PCDH15: variants seen among roughly 807,000 people sequenced by gnomAD.
PCDH15 encodes protocadherin-15.
Under a neutral mutation model 178.5 loss-of-function variants are expected in PCDH15, and 129 were observed. The ratio of observed to expected loss-of-function variants is 0.72; its 90% CI spans 0.63 to 0.84. The LOEUF (loss-of-function observed/expected upper bound fraction) is 0.84, where lower values mean the gene tolerates loss of function less well. Among genes scored for constraint, PCDH15 ranks in the 40% least tolerant of loss-of-function variants. PCDH15 has a pLI of 0.00. For missense variants in PCDH15, 2,230 were observed against 2,099.9 expected, an observed-to-expected ratio of 1.06 and a Z score of -1.21; for synonymous variants, 800 against 732.0, an observed-to-expected ratio of 1.09 and a Z score of -1.50.
intron 5 of PCDH15, among the ~76,000 whole-genome samples, chr10:54,348,303 G>A (rs539271785): frequency 1.3e-5 from 2 of 152,268 alleles, no homozygotes; most frequent in South Asian, 2.1e-4. Flanking sequence ...GGATTTATAA[G>A]GCCCAGTTTC....
At chr10:55,612,054 C>T (rs1182297310) in intron 2 of PCDH15, among the ~76,000 whole-genome samples, 1 of 151,852 alleles carries the variant, frequency 6.6e-6, no homozygotes, top group Non-Finnish European at 1.5e-5. Flanking sequence ...ATGTATTTGT[C>T]AAATGGTACA....
At chr10:55,626,418 A>T (rs1837531405) in intron 2 of PCDH15, among the ~76,000 whole-genome samples, 1 of 152,208 alleles carries the variant, frequency 6.6e-6, no homozygotes, top group South Asian at 2.1e-4. Flanking sequence ...TGAGATCAGA[A>T]ATAAAATGTA....
intron 2 of PCDH15, among the ~76,000 whole-genome samples, chr10:55,131,824 C>A (rs372373314): frequency 6.6e-6 from 1 of 152,228 alleles, no homozygotes; most frequent in African/African-American, 2.4e-5. Context: ...CTATAGGCAG[C>A]CATGGTTGGG....
chr10:54,285,478 A>G (rs2132832620), intron 8 of PCDH15, among the ~76,000 whole-genome samples: 1 of 152,276 alleles, frequency 6.6e-6, no homozygotes, highest in Admixed American at 6.5e-5. Context: ...TGAAAAATAT[A>G]TTTAACATTA....
chr10:54,056,127 A>T (rs1194638204), intron 18 of PCDH15, among the ~76,000 whole-genome samples: 1 of 152,162 alleles, frequency 6.6e-6, no homozygotes, highest in Non-Finnish European at 1.5e-5. Flanking sequence ...ATTGATATAT[A>T]ATATATGTAC....
At chr10:53,853,618 T>C (rs965932910) in intron 28 of PCDH15, among the ~76,000 whole-genome samples, 4 of 152,028 alleles carry the variant, frequency 2.6e-5, no homozygotes, top group Admixed American at 6.6e-5. Context: ...AGGACTTGAA[T>C]AGACATGTTT....
At chr10:53,923,010 G>A (rs969328127) in intron 25 of PCDH15, among the ~76,000 whole-genome samples, 9 of 152,024 alleles carry the variant, frequency 5.9e-5, no homozygotes, top group African/African-American at 1.9e-4. Flanking sequence ...TGGTGTGAAC[G>A]TGGGAGGTGG....
chr10:55,387,402 T>G (rs1245175383), intron 2 of PCDH15, among the ~76,000 whole-genome samples: 1 of 152,062 alleles, frequency 6.6e-6, no homozygotes, highest in African/African-American at 2.4e-5. Flanking sequence ...ACACAAAATA[T>G]TTTGTTTGAA....
At chr10:54,289,493 CA>C (rs1390379244) in intron 8 of PCDH15, among the ~76,000 whole-genome samples, 1 of 152,160 alleles carries the variant, frequency 6.6e-6, no homozygotes, top group East Asian at 1.9e-4. Context: ...TCTTCTCCTC[CA>C]AAGGAATGCA....
At chr10:54,342,956 A>T (rs1275248353) in intron 6 of PCDH15, among the ~76,000 whole-genome samples, 2 of 152,146 alleles carry the variant, frequency 1.3e-5, no homozygotes, top group African/African-American at 4.8e-5. Flanking sequence ...CTGTACCCTC[A>T]TTGTATCTTG....
At chr10:55,121,364 G>GA (rs1317157178) in intron 2 of PCDH15, among the ~76,000 whole-genome samples, 1 of 149,878 alleles carries the variant, frequency 6.7e-6, no homozygotes, top group Non-Finnish European at 1.5e-5. Context: ...GAGCTGGGGG[G>GA]GGGCAATTTG....
At chr10:55,556,086 T>G (rs763215956) in intron 2 of PCDH15, among the ~76,000 whole-genome samples, 1 of 152,182 alleles carries the variant, frequency 6.6e-6, no homozygotes, top group African/African-American at 2.4e-5. Context: ...TCTCTCCATA[T>G]ATACACACAC....
chr10:54,348,903 C>T (rs1943741104), intron 5 of PCDH15, among the ~76,000 whole-genome samples: 1 of 152,104 alleles, frequency 6.6e-6, no homozygotes, highest in South Asian at 2.1e-4. Flanking sequence ...ATTCCACATA[C>T]AAGTGGGATC....
intron 3 of PCDH15, among the ~76,000 whole-genome samples, chr10:54,408,906 G>A (rs1953070057): frequency 6.6e-6 from 1 of 152,118 alleles, no homozygotes; most frequent in African/African-American, 2.4e-5. Context: ...CATTTCCTAG[G>A]TGATATGGCT....
In PCDH15 at chr10:53,979,008, C is replaced by T. The variant is rs1043292550; in HGVS notation, c.2868+16641G>A. Among the ~76,000 whole-genome samples, 7 of 152,234 alleles carry T rather than the reference C, an allele frequency of 4.6e-5. No individual in the cohort carries two copies. The East Asian group carries it at 9.7e-4, about 21-fold the overall frequency. The stretch of plus-strand genomic sequence containing the variant: ...CCACATCTTCTTGTCTTCTTCTGAG[C>T]CCTCCAAACTGTTCCAACCTCTGCC... On this transcript the variant is annotated intron_variant, in intron 21 of 37. Transcript: ENST00000644397.
intron 8 of PCDH15, among the ~76,000 whole-genome samples, chr10:54,253,412 T>C (rs2132133901): frequency 6.6e-6 from 1 of 152,144 alleles, no homozygotes; most frequent in East Asian, 1.9e-4. Context: ...TAGCACACTG[T>C]AGACCCTACA....
chr10:54,240,231 A>AAAT (rs1222922236), intron 8 of PCDH15, among the ~76,000 whole-genome samples: 1 of 151,930 alleles, frequency 6.6e-6, no homozygotes, highest in Non-Finnish European at 1.5e-5. Context: ...AACAGAAGTA[A>AAAT]AATAATAATA....
chr10:55,336,150 A>AC lies in PCDH15; in HGVS notation c.-155-169500_-155-169499insG, dbSNP rs1345442122. ...AAAAAAAAAAAAAAAAAAAAAAAAA[A>AC]AAAACAGTAGAAGTTGGAAGTTCTC... is the stretch of plus-strand genomic sequence containing the variant. On this transcript the variant is annotated intron_variant, in intron 2 of 5. Transcript: ENST00000613346. Among the ~76,000 whole-genome samples the AC allele has an allele frequency of 2.6e-3, 364 of 140,556 alleles. 3 individuals carry two copies. The highest frequency in any genetic ancestry group is 9.7e-3 in the African/African-American group (351 of 36,302). 92.2% of individuals were successfully genotyped at this position (140,556 alleles called of 152,430 possible).
intron 9 of PCDH15, among the ~76,000 whole-genome samples, chr10:54,234,132 CTGTGTGTGTGTGTGTG>C (rs35466519): frequency 1.9e-4 from 27 of 138,548 alleles, no homozygotes; most frequent in Middle Eastern, 3.7e-3. Flanking sequence ...ATATCCCCTT[CTGTGTGTGTGTGTGTG>C]TGTGTGTGTG....
Sources: gnomAD v4.1 joint callset for allele counts (sites outside exome capture counted in the v4.1 genomes callset) on GRCh38, gnomAD v4.1.1 for gene constraint, MANE v1.5 for transcripts, NCBI Gene and HGNC (gene_info 2026-07-23, HGNC 2026-07-21) for gene names.